NWD2: variants seen among roughly 807,000 people sequenced by gnomAD.
NWD2 encodes the protein NACHT and WD repeat domain-containing protein 2.
Under a neutral mutation model 132.7 loss-of-function variants are expected in NWD2, and 37 were observed. The observed-to-expected ratio is 0.28, with a 90% confidence interval of 0.21 to 0.37. The LOEUF is 0.37. NWD2 is among the 10% of genes least tolerant of loss of function. The pLI is 1.00. For synonymous variants in NWD2, 705 were observed against 803.0 expected, an observed-to-expected ratio of 0.88 and a Z score of 2.06; for missense variants, 1,592 against 2,122.4, an observed-to-expected ratio of 0.75 and a Z score of 4.91.
chr4:37,378,049 A>G (rs1196359150), intron 3 of NWD2, among the ~76,000 whole-genome samples: 1 of 152,214 alleles, frequency 6.6e-6, no homozygotes, highest in African/African-American at 2.4e-5. Context: ...TAATCATTAA[A>G]CATTTTAGGT....
chr4:37,443,315 C>G lies in NWD2; in HGVS notation c.1327C>G (p.Pro443Ala), dbSNP rs1328075771. ...TGGCTGGCTACATGAGGACACAGGA[C>G]CAGAATCTGACCCAGTAGTCATCGT... is the stretch of plus-strand genomic sequence containing the variant. ...AYGWLHEDTGPESDPVVIVRF... is the reference protein window; with the variant it reads ...AYGWLHEDTGAESDPVVIVRF... Residue 443 changes from proline to alanine, a missense_variant, in exon 7 of 7, where the codon CCA (proline) becomes GCA (alanine). Pro to Ala is a conservative substitution (Grantham distance 27). This residue lies in a region of NWD2 where 1,071 missense variants were observed against 1,398.0 expected (regional missense o/e 0.77). Coordinates refer to ENST00000309447, the MANE Select transcript of NWD2 (RefSeq NM_001144990.2). The surrounding 1 kb of genome is among the most constrained non-coding windows in gnomAD (Gnocchi z 4.1). The G allele has an allele frequency of 6.4e-7, 1 of 1,551,202 alleles. No individual in the cohort carries two copies. The highest frequency in any genetic ancestry group is 2.0e-5 in the Admixed American group (1 of 50,988).
At chr4:37,309,348 C>T (rs1392856487) in intron 1 of NWD2, among the ~76,000 whole-genome samples, 1 of 152,072 alleles carries the variant, frequency 6.6e-6, no homozygotes, top group Non-Finnish European at 1.5e-5. Flanking sequence ...AAGATGGCCT[C>T]CCTGATATAC....
chr4:37,265,654 C>T (rs1393430371), intron 1 of NWD2, among the ~76,000 whole-genome samples: 1 of 152,018 alleles, frequency 6.6e-6, no homozygotes, highest in African/African-American at 2.4e-5. Flanking sequence ...CTCTCTGTGA[C>T]CTCTGCTTCC....
intron 1 of NWD2, among the ~76,000 whole-genome samples, chr4:37,314,919 T>A (rs1049944070): frequency 2.0e-5 from 3 of 152,222 alleles, no homozygotes; most frequent in African/African-American, 7.2e-5. Flanking sequence ...TTCTAACCAC[T>A]GCTTTAGCTC....
intron 1 of NWD2, among the ~76,000 whole-genome samples, chr4:37,310,995 T>A (rs4832894): frequency 6.6e-6 from 1 of 151,792 alleles, no homozygotes. Flanking sequence ...AGTATTCCAT[T>A]GTGTATATGT....
intron 1 of NWD2, among the ~76,000 whole-genome samples, chr4:37,253,010 CCT>C (rs1491061067): frequency 6.6e-6 from 1 of 150,582 alleles, no homozygotes; most frequent in Non-Finnish European, 1.5e-5. Flanking sequence ...AACCCCCCCC[CCT>C]TATGTTTTGC....
At chr4:37,311,600 T>C (rs530039422) in intron 1 of NWD2, among the ~76,000 whole-genome samples, 1 of 148,916 alleles carries the variant, frequency 6.7e-6, no homozygotes, top group African/African-American at 2.6e-5. Flanking sequence ...TTCACTCTGA[T>C]GGTAGTTTCT....
In NWD2 at chr4:37,445,186, G is replaced by C. The variant is rs1011245110; in HGVS notation, c.3198G>C (p.Leu1066=). ...SSATYINGFT[L]SANHALAWLE... ...CCACCTACATCAATGGATTTACACT[G>C]TCCGCCAACCACGCCCTTGCATGGC... is the stretch of plus-strand genomic sequence containing the variant. Residue 1066 remains leucine (L), a synonymous_variant, in exon 7 of 7, where the codon CTG becomes CTC. Coordinates refer to ENST00000309447, the MANE Select transcript of NWD2 (RefSeq NM_001144990.2). The surrounding 1 kb of genome is among the most constrained non-coding windows in gnomAD (Gnocchi z 4.7). 6.4e-7 allele frequency: 1 copy of C among 1,551,906 alleles called. No individual in the cohort carries two copies. The highest frequency in any genetic ancestry group is 8.7e-7 in the Non-Finnish European group (1 of 1,147,056).
At chr4:37,390,171 C>T (rs1720651501) in intron 3 of NWD2, among the ~76,000 whole-genome samples, 1 of 152,084 alleles carries the variant, frequency 6.6e-6, no homozygotes, top group African/African-American at 2.4e-5. Context: ...GCAACAGTTC[C>T]ATCTAGTGGC....
chr4:37,312,760 A>G (rs373653782), intron 1 of NWD2, among the ~76,000 whole-genome samples: 10 of 151,018 alleles, frequency 6.6e-5, no homozygotes, highest in African/African-American at 1.2e-4. Context: ...GATATTGGCT[A>G]TGGGTTTGTC....
chr4:37,319,724 T>C (rs1719030675), intron 1 of NWD2, among the ~76,000 whole-genome samples: 1 of 152,222 alleles, frequency 6.6e-6, no homozygotes. Context: ...ATTTATTGAA[T>C]AGGGGGTCCT....
At chr4:37,436,602 T>C (rs1712328985) in intron 5 of NWD2, among the ~76,000 whole-genome samples, 1 of 152,168 alleles carries the variant, frequency 6.6e-6, no homozygotes, top group South Asian at 2.1e-4. Flanking sequence ...TGAATTGCTT[T>C]CTGGGAGTCA....
intron 3 of NWD2, among the ~76,000 whole-genome samples, chr4:37,422,427 A>G (rs747363921): frequency 1.3e-5 from 2 of 152,158 alleles, no homozygotes; most frequent in Non-Finnish European, 2.9e-5. Flanking sequence ...TACTTATCTG[A>G]CCACACATTT....
At chr4:37,433,812 G>C (rs936684359) in intron 4 of NWD2, 64 bp from the exon 5 acceptor site, 1 of 1,331,862 alleles carries the variant, frequency 7.5e-7, no homozygotes, top group Non-Finnish European at 1.0e-6. Flanking sequence ...AAATTTTCTT[G>C]TTCTTAAATA....
chr4:37,247,394 A>G (rs917936395), intron 1 of NWD2, among the ~76,000 whole-genome samples: 1 of 152,174 alleles, frequency 6.6e-6, no homozygotes, highest in Non-Finnish European at 1.5e-5. Context: ...CTGTCAAATT[A>G]AGACAAAGAA....
chr4:37,296,390 T>A (rs76476578), intron 1 of NWD2, among the ~76,000 whole-genome samples: 1,617 of 152,268 alleles, frequency 0.011, 22 homozygotes, highest in African/African-American at 0.037. Context: ...ATTGTGATCA[T>A]GTACATTGAT....
At chr4:37,295,714 T>G (rs529472440) in intron 1 of NWD2, among the ~76,000 whole-genome samples, 1 of 152,314 alleles carries the variant, frequency 6.6e-6, no homozygotes, top group South Asian at 2.1e-4. Context: ...TCCAAATGTG[T>G]CTAAGGCATT....
At chr4:37,441,691 A>G (rs1260094549) in intron 6 of NWD2, among the ~76,000 whole-genome samples, 2 of 152,186 alleles carry the variant, frequency 1.3e-5, no homozygotes, top group East Asian at 1.9e-4. Context: ...ACTATCCAGG[A>G]GTCGGGTCCT....
At chr4:37,352,921 A>G (rs556869885) in intron 2 of NWD2, among the ~76,000 whole-genome samples, 2 of 152,264 alleles carry the variant, frequency 1.3e-5, no homozygotes, top group East Asian at 1.9e-4. Flanking sequence ...TATTTTGCCC[A>G]TTAGTTGATG....
Sources: gnomAD v4.1 joint callset for allele counts (sites outside exome capture counted in the v4.1 genomes callset) on GRCh38, gnomAD v4.1.1 for gene constraint, gnomAD v4.1.1 regional missense constraint, Gnocchi (gnomAD v3.1) non-coding constraint, MANE v1.5 for transcripts, NCBI Gene and HGNC (gene_info 2026-07-23, HGNC 2026-07-21) for gene names.